Variants in IL1RAP observed in about 807,000 individuals in gnomAD.
The protein encoded by IL1RAP is interleukin-1 receptor accessory protein.
In IL1RAP, 35 loss-of-function variants were observed where a neutral mutation model predicts 60.7. The ratio of observed to expected loss-of-function variants is 0.58; its 90% CI spans 0.44 to 0.76. The LOEUF (loss-of-function observed/expected upper bound fraction) is 0.76, where lower values mean the gene tolerates loss of function less well. Among genes scored for constraint, IL1RAP ranks in the 30% least tolerant of loss-of-function variants. The pLI is 0.00. For missense variants in IL1RAP, 572 were observed against 693.9 expected, an observed-to-expected ratio of 0.82 and a Z score of 1.97; for synonymous variants, 268 against 250.9, an observed-to-expected ratio of 1.07 and a Z score of -0.64.
intron 2 of IL1RAP, among the ~76,000 whole-genome samples, chr3:190,556,856 A>G (rs1210927789): frequency 6.6e-6 from 1 of 152,228 alleles, no homozygotes; most frequent in Non-Finnish European, 1.5e-5. Context: ...GTTGATGATA[A>G]ACAGCATTTG....
intron 3 of IL1RAP, among the ~76,000 whole-genome samples, chr3:190,576,835 C>T (rs971727793): frequency 9.9e-5 from 15 of 152,160 alleles, no homozygotes; most frequent in African/African-American, 3.1e-4. Context: ...TTACAATGGC[C>T]GGGCGCGGTG....
At chr3:190,541,571 C>T (rs1392369136) in intron 1 of IL1RAP, among the ~76,000 whole-genome samples, 1 of 152,048 alleles carries the variant, frequency 6.6e-6, no homozygotes, top group Non-Finnish European at 1.5e-5. Context: ...TTATACGCCT[C>T]CAAGTTGGAA....
At chr3:190,647,725 G>C (rs1734116279) in intron 11 of IL1RAP, among the ~76,000 whole-genome samples, 1 of 152,190 alleles carries the variant, frequency 6.6e-6, no homozygotes, top group African/African-American at 2.4e-5. Context: ...ATGCCATTCA[G>C]TTGGCTAGAT....
intron 1 of IL1RAP, among the ~76,000 whole-genome samples, chr3:190,527,426 C>G (rs1398244026): frequency 1.3e-5 from 2 of 152,194 alleles, no homozygotes; most frequent in Admixed American, 1.3e-4. Context: ...TCAAATATTT[C>G]TTGTGTTTTG....
At chr3:190,581,525 C>T (rs1363840253) in intron 3 of IL1RAP, among the ~76,000 whole-genome samples, 1 of 152,076 alleles carries the variant, frequency 6.6e-6, no homozygotes, top group Non-Finnish European at 1.5e-5. Context: ...GTGAGCAAAC[C>T]CTTGCCCAGC....
intron 3 of IL1RAP, among the ~76,000 whole-genome samples, chr3:190,582,228 C>A (rs994816716): frequency 6.6e-6 from 1 of 151,836 alleles, no homozygotes; most frequent in Non-Finnish European, 1.5e-5. Context: ...CATCTTTGCT[C>A]ATTTTCCATG....
At chr3:190,582,096 T>G (rs560781108) in intron 3 of IL1RAP, among the ~76,000 whole-genome samples, 51 of 152,216 alleles carry the variant, frequency 3.4e-4, no homozygotes, top group Non-Finnish European at 6.3e-4. Flanking sequence ...CCTCTCAGAA[T>G]CTGTTTCCAC....
intron 1 of IL1RAP, among the ~76,000 whole-genome samples, chr3:190,530,773 AC>A (rs1049267612): frequency 3.3e-5 from 5 of 152,218 alleles, no homozygotes; most frequent in African/African-American, 1.2e-4. Flanking sequence ...TTGGGGCTTT[AC>A]TGAGTGGTAA....
chr3:190,569,338 A>T (rs1398635884), intron 3 of IL1RAP, among the ~76,000 whole-genome samples: 1 of 152,160 alleles, frequency 6.6e-6, no homozygotes, highest in Non-Finnish European at 1.5e-5. Flanking sequence ...CAGTGGCCTC[A>T]TTTTATTTGA....
chr3:190,610,155 A>G (rs1730696177), intron 5 of IL1RAP, among the ~76,000 whole-genome samples: 1 of 152,168 alleles, frequency 6.6e-6, no homozygotes, highest in Non-Finnish European at 1.5e-5. Context: ...TAGGAAGGAA[A>G]GAGAAGGACT....
chr3:190,564,835 A>G (rs1577604766), intron 3 of IL1RAP, among the ~76,000 whole-genome samples: 1 of 152,258 alleles, frequency 6.6e-6, no homozygotes, highest in South Asian at 2.1e-4. Context: ...CTTTCTCTGG[A>G]TGTTGCTTTA....
Position 190,649,426 on chromosome 3 carries a change from A to G in IL1RAP, c.*721A>G. 1 of 985,692 alleles carries G rather than the reference A, an allele frequency of 1.0e-6. No individual in the cohort carries two copies. Among genetic ancestry groups the G allele is most frequent in the African/African-American group, 1.7e-5 (1 of 57,328 alleles). The allele number at this position is 985,692 out of a possible 1,614,324, so 61.1% of individuals were successfully genotyped here. On this transcript the variant is annotated 3_prime_UTR_variant, in exon 12 of 12. Transcript: ENST00000447382. Reference sequence around the variant, plus strand: ...TCCACAGGTCAACCCACATTTTTTCATTCCTTCTCCCTATCTGCTTATATC... The same window carrying G: ...TCCACAGGTCAACCCACATTTTTTCGTTCCTTCTCCCTATCTGCTTATATC...
Position 190,627,469 on chromosome 3 carries a change from G to A in IL1RAP, c.902+20G>A, listed in dbSNP as rs1490157116. On this transcript the variant is annotated intron_variant, in intron 8 of 11. Coordinates refer to ENST00000447382, the MANE Select transcript of IL1RAP (RefSeq NM_002182.4). ...CGAAAGGTATCATGGGGGCCAGCAA[G>A]GGAGTGATTAACCTTTGTTTCTCAA... 3 of 1,604,614 alleles carry A rather than the reference G, an allele frequency of 1.9e-6. No homozygotes were observed. The highest frequency in any genetic ancestry group is 2.3e-5 in the South Asian group (2 of 88,786).
chr3:190,562,922 AC>A (rs1355644860), intron 2 of IL1RAP, among the ~76,000 whole-genome samples: 1 of 152,168 alleles, frequency 6.6e-6, no homozygotes, highest in African/African-American at 2.4e-5. Context: ...ATCAGATGAA[AC>A]AACAGCTTGT....
chr3:190,571,551 A>G (rs1726926747), intron 3 of IL1RAP, among the ~76,000 whole-genome samples: 1 of 152,154 alleles, frequency 6.6e-6, no homozygotes, highest in Non-Finnish European at 1.5e-5. Context: ...TATAGTTGAA[A>G]TATAGACCTT....
At chr3:190,527,346 A>G (rs2108525329) in intron 1 of IL1RAP, among the ~76,000 whole-genome samples, 1 of 152,392 alleles carries the variant, frequency 6.6e-6, no homozygotes, top group East Asian at 1.9e-4. Context: ...CAACTAAAAA[A>G]TAAAAATAAA....
chr3:190,520,208 C>T (rs1721891906), intron 1 of IL1RAP, among the ~76,000 whole-genome samples: 1 of 152,076 alleles, frequency 6.6e-6, no homozygotes, highest in Admixed American at 6.6e-5. Context: ...TTTATTCTGC[C>T]CTGTGCCTAG....
In IL1RAP at chr3:190,561,329, C is replaced by A. The variant is rs138391672; in HGVS notation, c.-1-2960C>A. On this transcript the variant is annotated intron_variant, in intron 2 of 11. Transcript: ENST00000447382. ...AGGCGCCTCCCAATAACATTGGTAC[C>A]TTTAATCTGTCAAAACCAGCCTGTT... Among the ~76,000 whole-genome samples the A allele has an allele frequency of 3.5e-3, 533 of 152,314 alleles. 3 individuals are homozygous for A. Among genetic ancestry groups the A allele is most frequent in the Non-Finnish European group, 4.4e-3 (297 of 68,010 alleles).
intron 1 of IL1RAP, among the ~76,000 whole-genome samples, chr3:190,551,628 C>T (rs764822738): frequency 1.3e-5 from 2 of 152,328 alleles, no homozygotes; most frequent in African/African-American, 2.4e-5. Flanking sequence ...TATTTGTGAA[C>T]ACTACAGCTC....
Sources: gnomAD v4.1 joint callset for allele counts (sites outside exome capture counted in the v4.1 genomes callset) on GRCh38, gnomAD v4.1.1 for gene constraint, MANE v1.5 for transcripts, NCBI Gene and HGNC (gene_info 2026-07-23, HGNC 2026-07-21) for gene names.